ASCC1: variants seen among roughly 807,000 people sequenced by gnomAD.
ASCC1 encodes ASC-1 complex subunit P50.
ASCC1 carries 35 observed loss-of-function variants against 46.6 expected under a neutral mutation model. The ratio of observed to expected loss-of-function variants is 0.75; its 90% CI spans 0.57 to 0.99. The LOEUF is 0.99. ASCC1 is among the 50% of genes least tolerant of loss of function. The pLI, the probability that ASCC1 is intolerant of heterozygous loss-of-function variation, is 0.00. For missense variants in ASCC1, 376 were observed against 428.7 expected, an observed-to-expected ratio of 0.88 and a Z score of 1.09; for synonymous variants, 143 against 146.6, an observed-to-expected ratio of 0.98 and a Z score of 0.18.
chr10:72,187,423 GA>G (rs1853627133), intron 5 of ASCC1, among the ~76,000 whole-genome samples: 1 of 149,406 alleles, frequency 6.7e-6, no homozygotes, highest in East Asian at 2.0e-4. Context: ...CTAACACAGT[GA>G]AACCCCTTCT....
chr10:72,130,338 A>G (rs1238455312), intron 8 of ASCC1, among the ~76,000 whole-genome samples: 1 of 152,154 alleles, frequency 6.6e-6, no homozygotes, highest in Non-Finnish European at 1.5e-5. Context: ...CAGACTAAAA[A>G]CCACTAAATT....
At chr10:72,111,658 T>C (rs936886400) in intron 9 of ASCC1, among the ~76,000 whole-genome samples, 3 of 152,136 alleles carry the variant, frequency 2.0e-5, no homozygotes, top group African/African-American at 7.2e-5. Flanking sequence ...CTTTTTTTTT[T>C]GGAAACGGAG....
intron 9 of ASCC1, among the ~76,000 whole-genome samples, chr10:72,108,864 G>A (rs943803278): frequency 6.6e-6 from 1 of 152,140 alleles, no homozygotes; most frequent in Admixed American, 6.5e-5. Context: ...AAGGAAGAAG[G>A]TTTATCAGGT....
At chr10:72,121,517 TAA>T (rs1021726905) in intron 9 of ASCC1, among the ~76,000 whole-genome samples, 3 of 126,554 alleles carry the variant, frequency 2.4e-5, no homozygotes, top group Admixed American at 7.5e-5. Context: ...GATGGGTTCT[TAA>T]AAAAAAAAAA....
intron 9 of ASCC1, among the ~76,000 whole-genome samples, chr10:72,101,170 T>G (rs911021167): frequency 2.0e-5 from 3 of 152,136 alleles, no homozygotes; most frequent in Non-Finnish European, 4.4e-5. Flanking sequence ...TACCATCTCG[T>G]TAGGGAGAGT....
chr10:72,184,999 G>A (rs563087532), intron 5 of ASCC1, among the ~76,000 whole-genome samples: 7 of 152,192 alleles, frequency 4.6e-5, no homozygotes, highest in Admixed American at 1.3e-4. Flanking sequence ...TACACAAATG[G>A]CCAATGAGCA....
chr10:72,161,074 T>C (rs113705764), intron 6 of ASCC1, among the ~76,000 whole-genome samples: 14 of 150,722 alleles, frequency 9.3e-5, no homozygotes, highest in South Asian at 2.1e-4. Flanking sequence ...CAGAGCAAGA[T>C]TCCATCTCAA....
At chr10:72,127,061 TAA>T (rs1246705133) in intron 9 of ASCC1, among the ~76,000 whole-genome samples, 2 of 152,136 alleles carry the variant, frequency 1.3e-5, no homozygotes, top group East Asian at 3.9e-4. Context: ...AAAAAAACTG[TAA>T]AGAGACAACA....
At chr10:72,127,380 C>T (rs144998380) in intron 9 of ASCC1, among the ~76,000 whole-genome samples, 2,305 of 152,250 alleles carry the variant, frequency 0.015, 26 homozygotes, top group Admixed American at 0.024. Context: ...AACCCCTTTA[C>T]TTACATTTCA....
At chr10:72,134,506 C>A (rs1220498923) in intron 7 of ASCC1, 1 of 152,354 alleles carries the variant, frequency 6.6e-6, no homozygotes, top group South Asian at 2.1e-4. Flanking sequence ...AGAGTCCAAT[C>A]CTTCCTGACC....
chr10:72,102,364 C>T (rs991879863), intron 9 of ASCC1: 25 of 1,549,482 alleles, frequency 1.6e-5, no homozygotes, highest in Admixed American at 3.9e-5. Context: ...AAGCCCTTCT[C>T]GATTCTAGGA....
At chr10:72,103,044 T>G in intron 9 of ASCC1, 1 of 410,258 alleles carries the variant, frequency 2.4e-6, no homozygotes, top group Non-Finnish European at 4.8e-6. Flanking sequence ...GTAATAAAGA[T>G]GACAACAGCC....
chr10:72,113,422 T>C (rs189349235), intron 9 of ASCC1, among the ~76,000 whole-genome samples: 49 of 152,380 alleles, frequency 3.2e-4, no homozygotes, highest in African/African-American at 1.0e-3. Flanking sequence ...AGAATGGATG[T>C]TGGCTTCTGC....
At chr10:72,105,917 A>AGATTGGG (rs1842293277) in intron 9 of ASCC1, among the ~76,000 whole-genome samples, 1 of 152,108 alleles carries the variant, frequency 6.6e-6, no homozygotes, top group Non-Finnish European at 1.5e-5. Context: ...AATCTCAAAC[A>AGATTGGG]GAGGTGGGGA....
At chr10:72,173,649 A>G (rs751271037) in intron 5 of ASCC1, among the ~76,000 whole-genome samples, 2 of 152,336 alleles carry the variant, frequency 1.3e-5, no homozygotes, top group Non-Finnish European at 2.9e-5. Flanking sequence ...ATCTACCAAG[A>G]GAAACTTTTC....
intron 9 of ASCC1, among the ~76,000 whole-genome samples, chr10:72,113,114 A>G (rs1272227568): frequency 6.6e-6 from 1 of 152,246 alleles, no homozygotes; most frequent in Non-Finnish European, 1.5e-5. Context: ...GCACCAAGCA[A>G]GCATGTAGCT....
chr10:72,213,622 G>T (rs1216724157), intron 1 of ASCC1, among the ~76,000 whole-genome samples: 1 of 150,312 alleles, frequency 6.7e-6, no homozygotes, highest in African/African-American at 2.4e-5. Flanking sequence ...AAAAAAGAAG[G>T]AAGGGAGGGG....
intron 6 of ASCC1, among the ~76,000 whole-genome samples, chr10:72,159,740 C>T (rs1849399116): frequency 6.6e-6 from 1 of 152,012 alleles, no homozygotes; most frequent in African/African-American, 2.4e-5. Flanking sequence ...CGTTACTGAG[C>T]AAAGAACATG....
At chr10:72,167,523 A>C (rs1850506492) in intron 5 of ASCC1, among the ~76,000 whole-genome samples, 1 of 152,126 alleles carries the variant, frequency 6.6e-6, no homozygotes, top group Non-Finnish European at 1.5e-5. Flanking sequence ...TGTGGTAATG[A>C]CTGCACAACT....
Sources: gnomAD v4.1 joint callset for allele counts (sites outside exome capture counted in the v4.1 genomes callset) on GRCh38, gnomAD v4.1.1 for gene constraint, MANE v1.5 for transcripts, NCBI Gene and HGNC (gene_info 2026-07-23, HGNC 2026-07-21) for gene names.